The following ABTB2 variants were observed in gnomAD, a reference collection of about 807,000 sequenced individuals.
ABTB2 encodes the protein ankyrin repeat and BTB domain containing 2, also known as ankyrin repeat and BTB/POZ domain-containing protein 2.
Under a neutral mutation model 104.1 loss-of-function variants are expected in ABTB2, and 56 were observed. The ratio of observed to expected loss-of-function variants is 0.54; its 90% confidence interval spans 0.43 to 0.67. The LOEUF (loss-of-function observed/expected upper bound fraction) is 0.67. Ranked by LOEUF, ABTB2 falls within the 30% of genes least tolerant of loss-of-function variation. The pLI is 0.00. For synonymous variants in ABTB2, 606 were observed against 608.2 expected (o/e 1.00, Z 0.05); for missense variants, 1,279 against 1,407.7 (o/e 0.91, Z 1.46).
chr11:34,247,511 T>C (rs1161267381), intron 1 of ABTB2, among the ~76,000 whole-genome samples: 1 of 152,264 alleles, frequency 6.6e-6, no homozygotes, highest in African/African-American at 2.4e-5. Context: ...GTTCTGAGCA[T>C]GTTTAAGGTA....
intron 1 of ABTB2, among the ~76,000 whole-genome samples, chr11:34,244,722 C>T (rs774068003): frequency 6.6e-6 from 1 of 152,108 alleles, no homozygotes; most frequent in African/African-American, 2.4e-5. Context: ...TATCAAACTG[C>T]GATTCTAGGG....
chr11:34,274,582 CGTGT>C (rs1157057063), intron 1 of ABTB2, among the ~76,000 whole-genome samples: 2 of 151,034 alleles, frequency 1.3e-5, no homozygotes, highest in Non-Finnish European at 2.9e-5. Flanking sequence ...CACACACACG[CGTGT>C]GTGTGTATGT....
rs747221821 is a variant in ABTB2 at position 34,162,606 on chromosome 11, C to T, written c.2188G>A (p.Val730Met). ...AMYYSAEHGYVDITMELRALG... is the reference protein window; with the variant it reads ...AMYYSAEHGYMDITMELRALG... The stretch of plus-strand genomic sequence containing the variant: ...GCCCTCAGCTCCATGGTGATGTCCA[C>T]GTAGCCGTGCTCAGCGCTGTAGTAC... Residue 730 changes from valine to methionine, a missense_variant, in exon 10 of 17, where the codon GTG becomes ATG. By Grantham distance (21) the Val-to-Met change is conservative. Transcript: ENST00000435224. 6.2e-6 allele frequency: 10 copies of T among 1,613,532 alleles called. No homozygotes were observed. The highest frequency in any genetic ancestry group is 5.0e-5 in the Admixed American group (3 of 59,994).
chr11:34,160,083 T>C, intron 12 of ABTB2, 75 bp from the exon 13 acceptor site: 4 of 1,365,084 alleles, frequency 2.9e-6, no homozygotes, highest in Non-Finnish European at 4.2e-6. Flanking sequence ...TGCTGTGAGG[T>C]GCGTGTCTGG....
At chr11:34,258,139 A>G (rs1332481181) in intron 1 of ABTB2, among the ~76,000 whole-genome samples, 1 of 152,158 alleles carries the variant, frequency 6.6e-6, no homozygotes, top group Non-Finnish European at 1.5e-5. Context: ...TGTTGTCCCC[A>G]TAGAAATCTC....
At chr11:34,307,775 C>T (rs1179730403) in intron 1 of ABTB2, among the ~76,000 whole-genome samples, 4 of 152,000 alleles carry the variant, frequency 2.6e-5, no homozygotes, top group East Asian at 1.9e-4. Flanking sequence ...CTCGGCTCAC[C>T]GCAACCTCCG....
intron 1 of ABTB2, among the ~76,000 whole-genome samples, chr11:34,328,356 C>T (rs995926351): frequency 6.6e-6 from 1 of 152,184 alleles, no homozygotes; most frequent in African/African-American, 2.4e-5. Context: ...GGGACGCAGG[C>T]TTTGCAGCTG....
intron 1 of ABTB2, among the ~76,000 whole-genome samples, chr11:34,274,237 G>A (rs543607512): frequency 5.1e-4 from 77 of 149,882 alleles, no homozygotes; most frequent in Admixed American, 2.0e-3. Flanking sequence ...CTTACTTTGC[G>A]TGGAAGTGCA....
chr11:34,248,293 T>C (rs1232684041), intron 1 of ABTB2, among the ~76,000 whole-genome samples: 3 of 151,714 alleles, frequency 2.0e-5, no homozygotes, highest in Non-Finnish European at 4.4e-5. Flanking sequence ...GGGATCTCAT[T>C]TGTAGCCCAG....
At chr11:34,204,799 A>C in intron 1 of ABTB2, 109 bp from the exon 2 acceptor site, 3 of 1,290,434 alleles carry the variant, frequency 2.3e-6, no homozygotes, top group South Asian at 1.5e-5. Flanking sequence ...CTTGACAGAG[A>C]GAGGTTCAGG....
rs542915176 is a variant in ABTB2 at position 34,210,555 on chromosome 11, T to A, written c.884-5865A>T. Among the ~76,000 whole-genome samples the A allele has an allele frequency of 5.9e-5, 9 of 152,312 alleles. No individual in the cohort carries two copies. In the South Asian group the frequency reaches 1.9e-3, roughly 32 times the overall value. The stretch of plus-strand genomic sequence containing the variant: ...TCAAAAAGCCACCAAGACTGTAACA[T>A]AACTGTCCTCCAAACTCAGCAACCA... On this transcript the variant is annotated intron_variant, in intron 1 of 16. Coordinates refer to ENST00000435224, the MANE Select transcript of ABTB2 (RefSeq NM_145804.3).
chr11:34,208,986 A>G (rs1323747381), intron 1 of ABTB2, among the ~76,000 whole-genome samples: 2 of 152,018 alleles, frequency 1.3e-5, no homozygotes, highest in Non-Finnish European at 2.9e-5. Flanking sequence ...GTACTCTTCA[A>G]TGACTCTCTG....
chr11:34,296,338 G>A (rs1854623057), intron 1 of ABTB2, among the ~76,000 whole-genome samples: 1 of 152,118 alleles, frequency 6.6e-6, no homozygotes, highest in South Asian at 2.1e-4. Context: ...ACAAGGAGGA[G>A]GGTGGGAGAG....
At chr11:34,239,927 G>A (rs944465190) in intron 1 of ABTB2, among the ~76,000 whole-genome samples, 5 of 152,196 alleles carry the variant, frequency 3.3e-5, no homozygotes, top group African/African-American at 9.7e-5. Context: ...TTTCCACAGA[G>A]GCATTTCCCC....
chr11:34,352,741 C>A (rs899932205), intron 1 of ABTB2, among the ~76,000 whole-genome samples: 1 of 152,222 alleles, frequency 6.6e-6, no homozygotes, highest in South Asian at 2.1e-4. Context: ...AAAATTGCAC[C>A]AGGCCACTCA....
At chr11:34,239,802 T>G (rs1853890451) in intron 1 of ABTB2, among the ~76,000 whole-genome samples, 1 of 152,196 alleles carries the variant, frequency 6.6e-6, no homozygotes, top group Non-Finnish European at 1.5e-5. Context: ...CAACTGCAGC[T>G]GTCACTCTGC....
In ABTB2 at chr11:34,252,023, C is replaced by T. The variant is rs1337926854; in HGVS notation, c.884-47333G>A. On this transcript the variant is annotated intron_variant, in intron 1 of 16. Coordinates refer to ENST00000435224, the MANE Select transcript of ABTB2 (RefSeq NM_145804.3). The surrounding 1 kb of genome is among the most constrained non-coding windows in gnomAD (Gnocchi z 5.5). ...TAAGCTGCCAAAGTCAGCCCCACCC[C>T]ACTCCCATCCCCTCCACCCAGGGGC... Among the ~76,000 whole-genome samples the T allele has an allele frequency of 1.3e-5, 2 of 152,176 alleles. No individual in the cohort carries two copies. The highest frequency in any genetic ancestry group is 2.9e-5 in the Non-Finnish European group (2 of 68,020).
chr11:34,200,136 T>C (rs1853318205), intron 2 of ABTB2, among the ~76,000 whole-genome samples: 1 of 152,166 alleles, frequency 6.6e-6, no homozygotes, highest in Non-Finnish European at 1.5e-5. Flanking sequence ...CTCCCGTTTC[T>C]CCAGGTCTAA....
chr11:34,206,533 A>G (rs1459194309), intron 1 of ABTB2, among the ~76,000 whole-genome samples: 2 of 152,188 alleles, frequency 1.3e-5, no homozygotes, highest in Admixed American at 6.5e-5. Flanking sequence ...TGGTTCCACA[A>G]TGCATATACT....
Sources: allele counts gnomAD v4.1 joint callset (sites outside exome capture counted in the v4.1 genomes callset), GRCh38; gene constraint gnomAD v4.1.1; non-coding constraint Gnocchi (gnomAD v3.1); transcripts MANE v1.5; gene names NCBI Gene and HGNC (gene_info 2026-07-23, HGNC 2026-07-21).